Variants in LNPEP observed in about 807,000 individuals in gnomAD.
LNPEP encodes the protein leucyl-cystinyl aminopeptidase.
LNPEP carries 64 observed loss-of-function variants against 120.6 expected under a neutral mutation model. The ratio of observed to expected loss-of-function variants is 0.53; its 90% CI spans 0.43 to 0.65. The LOEUF is 0.65. Ranked by LOEUF, LNPEP falls within the 30% of genes least tolerant of loss-of-function variation. The pLI is 0.00. For synonymous variants in LNPEP, 435 were observed against 425.4 expected (o/e 1.02, Z -0.28); for missense variants, 1,057 against 1,200.0 (o/e 0.88, Z 1.76).
At position 97,024,556 on chromosome 5, in the gene LNPEP, T is replaced by C; in HGVS notation, c.2597T>C (p.Val866Ala). ...PTDVMTTVFKVGAKTDKGWSF... is the reference protein window; with the variant it reads ...PTDVMTTVFKAGAKTDKGWSF... The stretch of plus-strand genomic sequence containing the variant: ...GATGTCATGACAACTGTGTTCAAAG[T>C]TGGAGCAAAAACTGACAAAGGCTGG... The change falls in exon 15 of 18, where the codon GTT becomes GCT. Residue 866 changes from valine to alanine, a missense_variant. Coordinates refer to ENST00000231368, the MANE Select transcript of LNPEP (RefSeq NM_005575.3). 2 of 1,614,082 alleles carry C rather than the reference T, an allele frequency of 1.2e-6. No homozygotes were observed. The highest frequency in any genetic ancestry group is 1.7e-6 in the Non-Finnish European group (2 of 1,179,958).
chr5:96,961,198 G>A (rs1402288827), intron 1 of LNPEP, among the ~76,000 whole-genome samples: 1 of 152,068 alleles, frequency 6.6e-6, no homozygotes, highest in African/African-American at 2.4e-5. Context: ...AAAAAAAACT[G>A]TCTACCATGC....
chr5:96,952,480 A>T (rs1029406326), intron 1 of LNPEP, among the ~76,000 whole-genome samples: 3 of 152,202 alleles, frequency 2.0e-5, no homozygotes, highest in African/African-American at 7.2e-5. Flanking sequence ...GGAGAGGAAT[A>T]GTTTAGGAGT....
chr5:96,995,978 G>A (rs1790506662), intron 6 of LNPEP: 1 of 157,810 alleles, frequency 6.3e-6, no homozygotes. Flanking sequence ...GTCATGGGTG[G>A]TTGTAGATAC....
chr5:96,988,339 C>CTTTTTTTTTTTTTTTTTTTTT (rs201343272), intron 4 of LNPEP, among the ~76,000 whole-genome samples: 15 of 125,228 alleles, frequency 1.2e-4, no homozygotes, highest in East Asian at 2.2e-4. Flanking sequence ...TTTTTCTTTT[C>CTTTTTTTTTTTTTTTTTTTTT]TTTTTTTTTT....
chr5:97,023,551 G>A (rs1209475776), intron 14 of LNPEP, among the ~76,000 whole-genome samples: 2 of 152,124 alleles, frequency 1.3e-5, no homozygotes, highest in Non-Finnish European at 2.9e-5. Context: ...ACCATACCTG[G>A]CTAAAATTTC....
intron 2 of LNPEP, among the ~76,000 whole-genome samples, chr5:96,984,588 AC>A (rs1790198763): frequency 6.6e-6 from 1 of 150,764 alleles, no homozygotes. Context: ...ATGCTTTAAG[AC>A]CCAGGCAAAA....
At position 97,009,445 on chromosome 5, in the gene LNPEP, A is replaced by G. The variant is rs1790872842; in HGVS notation, c.2035+2930A>G. ...CACTTAGTAGGCACACAAAAACTTA[A>G]TGAATTAGTAAATTTTAGTCCATAA... On this transcript the variant is annotated intron_variant, in intron 11 of 17. Coordinates refer to ENST00000231368, the MANE Select transcript of LNPEP (RefSeq NM_005575.3). Among the ~76,000 whole-genome samples, 7 of 152,340 alleles carry G rather than the reference A, an allele frequency of 4.6e-5. No homozygotes were observed. In the South Asian group the frequency reaches 1.5e-3, roughly 32 times the overall value.
chr5:97,000,833 T>A (rs776306453), intron 8 of LNPEP, among the ~76,000 whole-genome samples: 1 of 152,194 alleles, frequency 6.6e-6, no homozygotes, highest in Admixed American at 6.5e-5. Flanking sequence ...TAGTGCATCA[T>A]CAAACCTGGA....
intron 9 of LNPEP, among the ~76,000 whole-genome samples, chr5:97,004,783 T>C (rs1415904818): frequency 1.3e-5 from 2 of 152,228 alleles, no homozygotes; most frequent in African/African-American, 2.4e-5. Flanking sequence ...TGAGAACTTA[T>C]TACCTAACAG....
intron 1 of LNPEP, among the ~76,000 whole-genome samples, chr5:96,963,825 C>T (rs1789662694): frequency 6.6e-6 from 1 of 152,092 alleles, no homozygotes; most frequent in South Asian, 2.1e-4. Context: ...TGATACATAT[C>T]TGTGCTATAT....
chr5:96,991,201 T>C (rs1481107526), intron 4 of LNPEP, among the ~76,000 whole-genome samples: 3 of 152,222 alleles, frequency 2.0e-5, no homozygotes, highest in Non-Finnish European at 4.4e-5. Flanking sequence ...CTTAGAATAA[T>C]CGTCCCCAAT....
chr5:96,992,660 A>C (rs1301317367), intron 4 of LNPEP, among the ~76,000 whole-genome samples: 1 of 152,116 alleles, frequency 6.6e-6, no homozygotes, highest in Non-Finnish European at 1.5e-5. Context: ...AAGGAAGGGC[A>C]GCTACAGGTA....
At chr5:96,940,975 A>G (rs767207289) in intron 1 of LNPEP, among the ~76,000 whole-genome samples, 3 of 152,178 alleles carry the variant, frequency 2.0e-5, no homozygotes, top group Non-Finnish European at 4.4e-5. Context: ...CATTATATTT[A>G]TTGTGCACTT....
intron 2 of LNPEP, among the ~76,000 whole-genome samples, chr5:96,981,801 T>C (rs1196384063): frequency 1.3e-5 from 2 of 152,190 alleles, no homozygotes; most frequent in African/African-American, 2.4e-5. Flanking sequence ...CAAAGTTGTT[T>C]ATGATAGGCT....
chr5:96,947,247 G>T (rs1789206649), intron 1 of LNPEP, among the ~76,000 whole-genome samples: 1 of 152,134 alleles, frequency 6.6e-6, no homozygotes, highest in South Asian at 2.1e-4. Context: ...TGTGAGGAAA[G>T]ATTTAAGAAA....
intron 13 of LNPEP, among the ~76,000 whole-genome samples, chr5:97,021,923 G>GTTTTTTTTTTTTTTTT (rs1165456605): frequency 5.2e-5 from 3 of 57,170 alleles, no homozygotes; most frequent in African/African-American, 7.7e-5. Flanking sequence ...TTTGTCTTTT[G>GTTTTTTTTTTTTTTTT]TTTTTTTTTT....
chr5:97,027,799 G>T lies in LNPEP; in HGVS notation c.2931G>T (p.Lys977Asn). Residue 977 changes from lysine to asparagine, a missense_variant, in exon 17 of 18, where the codon AAG becomes AAT. Transcript: ENST00000231368. ...GATCAACTTACCTGTTTTCAACAAA[G>T]ACACATTTATCTGAGGTTGGTTTTA... is the stretch of plus-strand genomic sequence containing the variant. Reference protein sequence around the residue: ...VAGSTYLFSTKTHLSEVQAFF... With the variant: ...VAGSTYLFSTNTHLSEVQAFF... The T allele has an allele frequency of 6.2e-7, 1 of 1,603,976 alleles. No individual in the cohort carries two copies. Among genetic ancestry groups the T allele is most frequent in the Non-Finnish European group, 8.5e-7 (1 of 1,170,792 alleles).
chr5:96,955,342 C>T (rs1333780400), intron 1 of LNPEP, among the ~76,000 whole-genome samples: 1 of 151,980 alleles, frequency 6.6e-6, no homozygotes, highest in African/African-American at 2.4e-5. Context: ...GGGCTGGACG[C>T]GGTGGCTCAT....
chr5:96,971,813 T>C (rs186150688), intron 1 of LNPEP, among the ~76,000 whole-genome samples: 154 of 152,194 alleles, frequency 1.0e-3, no homozygotes, highest in Non-Finnish European at 1.5e-3. Context: ...TTCTCATTTT[T>C]TCCTTTTTAA....
Sources: allele counts gnomAD v4.1 joint callset (sites outside exome capture counted in the v4.1 genomes callset), GRCh38; gene constraint gnomAD v4.1.1; transcripts MANE v1.5; gene names NCBI Gene and HGNC (gene_info 2026-07-23, HGNC 2026-07-21).